MRI1: variants seen among roughly 807,000 people sequenced by gnomAD.
The protein encoded by MRI1 is methylthioribose-1-phosphate isomerase 1.
MRI1 carries 32 observed loss-of-function variants against 27.3 expected under a neutral mutation model. The ratio of observed to expected loss-of-function variants is 1.17; its 90% CI spans 0.88 to 1.57. The LOEUF is 1.57. Among genes scored for constraint, MRI1 ranks in the 40% most tolerant of loss-of-function variants. MRI1 has a pLI of 0.00. For missense variants in MRI1, 508 were observed against 516.1 expected, an observed-to-expected ratio of 0.98 and a Z score of 0.15; for synonymous variants, 216 against 227.4, an observed-to-expected ratio of 0.95 and a Z score of 0.45.
At position 13,772,882 on chromosome 19, in the gene MRI1, G is replaced by A. The variant is rs529859148; in HGVS notation, c.*601G>A. On this transcript the variant is annotated 3_prime_UTR_variant, in exon 6 of 6. Coordinates refer to ENST00000040663, the MANE Select transcript of MRI1 (RefSeq NM_001031727.4). ...ATTAAAAAAATAAAAAATAAATGTG[G>A]ATAATACTAGTACCTCCCTCTTAAG... The A allele has an allele frequency of 6.6e-6, 1 of 151,896 alleles. No homozygotes were observed. The highest frequency in any genetic ancestry group is 1.9e-4 in the East Asian group (1 of 5,188). 9.4% of individuals were successfully genotyped at this position (151,896 alleles called of 1,614,324 possible).
chr19:13,767,033 ATATATTTTTTTTTTTTT>A (rs1289800282), intron 3 of MRI1, among the ~76,000 whole-genome samples: 52 of 17,196 alleles, frequency 3.0e-3, no homozygotes, highest in African/African-American at 7.9e-3. Flanking sequence ...ATATATATAT[ATATATTTTTTTTTTTTT>A]TTTTTTTTTT....
At chr19:13,767,460 G>C (rs1006517008) in intron 3 of MRI1, among the ~76,000 whole-genome samples, 7 of 151,502 alleles carry the variant, frequency 4.6e-5, no homozygotes, top group Non-Finnish European at 8.8e-5. Flanking sequence ...CTGTAATCAG[G>C]AGGCTGGGGT....
rs1974311999 is a variant in MRI1 at position 13,773,398 on chromosome 19, G to GC, written c.*1117_*1118insC. The stretch of plus-strand genomic sequence containing the variant: ...CTCATGCCTGTAATTCCAGCACTTT[G>GC]GGAGGATCCCTTGAGCCCAGGTGTT... On this transcript the variant is annotated 3_prime_UTR_variant, in exon 6 of 6. Transcript: ENST00000040663. 6.6e-6 allele frequency: 1 copy of GC among 152,078 alleles called. No individual in the cohort carries two copies. Among genetic ancestry groups the GC allele is most frequent in the Non-Finnish European group, 1.5e-5 (1 of 68,034 alleles). 9.4% of individuals were successfully genotyped at this position (152,078 alleles called of 1,614,324 possible).
rs745433600 is a variant in MRI1 at position 13,765,113 on chromosome 19, C to G, written c.371+4C>G. ...CGGAAGAGGCGGTCCGGGAGAGGTA[C>G]GGGGATCTGGTACCAGGCACGGCGC... is the stretch of plus-strand genomic sequence containing the variant. On this transcript the variant is annotated splice_donor_region_variant and intron_variant, in intron 2 of 5. Coordinates refer to ENST00000040663, the MANE Select transcript of MRI1 (RefSeq NM_001031727.4). 20 of 1,520,914 alleles carry G rather than the reference C, an allele frequency of 1.3e-5. No homozygotes were observed. In the African/African-American group the frequency reaches 1.7e-4, roughly 13 times the overall value. The allele number at this position is 1,520,914 out of a possible 1,614,324, so 94.2% of individuals were successfully genotyped here. A position where few individuals can be genotyped will look rare whatever the true frequency, so the allele number is the denominator to read the frequency against.
chr19:13,767,751 A>T (rs1165778782), intron 3 of MRI1, among the ~76,000 whole-genome samples: 2 of 150,788 alleles, frequency 1.3e-5, no homozygotes. Context: ...TATTTTGGAG[A>T]CAGAGTCTTG....
In MRI1 at chr19:13,767,861, C is replaced by CTTTTTTTTTTTTTTTTTTTTTTTTTT; in HGVS notation, c.548-675_548-674insTTTTTTTTTTTTTTTTTTTTTTTTTT. On this transcript the variant is annotated intron_variant, in intron 3 of 5. Coordinates refer to ENST00000040663, the MANE Select transcript of MRI1 (RefSeq NM_001031727.4). ...TCTTTTCAAGTATTTTCTTTCTTTC[C>CTTTTTTTTTTTTTTTTTTTTTTTTTT]TTTTTTTTTTTTTTTTTTTTTTTTT... 5.6e-4 allele frequency among the ~76,000 whole-genome samples: 34 copies of CTTTTTTTTTTTTTTTTTTTTTTTTTT among 61,082 alleles called. 3 individuals carry two copies. The highest frequency in any genetic ancestry group is 0.017 in the Middle Eastern group (1 of 58). The allele number at this position is 61,082 out of a possible 152,430, so 40.1% of individuals were successfully genotyped here. A position where few individuals can be genotyped will look rare whatever the true frequency, so the allele number is the denominator to read the frequency against.
chr19:13,770,784 G>C (rs933574605), intron 5 of MRI1, among the ~76,000 whole-genome samples: 3 of 152,122 alleles, frequency 2.0e-5, no homozygotes, highest in African/African-American at 7.2e-5. Flanking sequence ...TCAGGAGGCT[G>C]AGGCAGGAGA....
In MRI1 at chr19:13,768,703, G is replaced by A. The variant is rs1482696845; in HGVS notation, c.690G>A (p.Met230Ile). 4 of 1,613,796 alleles carry A rather than the reference G, an allele frequency of 2.5e-6. No homozygotes were observed. In the African/African-American group the frequency reaches 5.3e-5, roughly 22 times the overall value. Reference protein sequence around the residue: ...QIPATLITDSMVAAAMAHRGV... With the variant: ...QIPATLITDSIVAAAMAHRGV... The stretch of plus-strand genomic sequence containing the variant: ...CCGCCACCCTTATCACCGACAGCAT[G>A]GTGGCTGCTGCCATGGCCCATAGGG... The change falls in exon 4 of 6, where the codon ATG becomes ATA. Residue 230 changes from methionine (M) to isoleucine (I), a missense_variant. This residue lies in a region of MRI1 where 457 missense variants were observed against 452.8 expected (regional missense o/e 1.01). Transcript: ENST00000040663.
At chr19:13,769,615 C>T (rs1974227676) in intron 5 of MRI1, among the ~76,000 whole-genome samples, 1 of 152,094 alleles carries the variant, frequency 6.6e-6, no homozygotes, top group Non-Finnish European at 1.5e-5. Flanking sequence ...TGGCTGGCCA[C>T]GTGTTTGTAA....
intron 2 of MRI1, 125 bp downstream of exon 2, chr19:13,765,234 C>T (rs2145189599): frequency 1.3e-6 from 1 of 770,644 alleles, no homozygotes; most frequent in East Asian, 3.4e-5. Context: ...TGTCCAGGGC[C>T]CCACAGATGG....
In MRI1 at chr19:13,768,336, C is replaced by T. The variant is rs796672268; in HGVS notation, c.548-225C>T. On this transcript the variant is annotated intron_variant, in intron 3 of 5. Coordinates refer to ENST00000040663, the MANE Select transcript of MRI1 (RefSeq NM_001031727.4). ...AACTGATATATCAGGGAAGGCTTCA[C>T]CGAGAAGGTGTCCTTTAAACAGACG... 1.2e-5 allele frequency: 14 copies of T among 1,184,318 alleles called. 2 individuals carry two copies. The African/African-American group carries it at 1.8e-4, about 15-fold the overall frequency. The allele number at this position is 1,184,318 out of a possible 1,614,324, so 73.4% of individuals were successfully genotyped here. A position where few individuals can be genotyped will look rare whatever the true frequency, so the allele number is the denominator to read the frequency against.
At position 13,764,960 on chromosome 19, in the gene MRI1, G is replaced by A; in HGVS notation, c.222G>A (p.Ala74=). 6.6e-7 allele frequency: 1 copy of A among 1,510,130 alleles called. No homozygotes were observed. Among genetic ancestry groups the A allele is most frequent in the Non-Finnish European group, 8.8e-7 (1 of 1,135,264 alleles). The allele number at this position is 1,510,130 out of a possible 1,614,324, so 93.5% of individuals were successfully genotyped here. ...GCGCCGGGGGACCGGGACTCGCCGC[G>A]CTCGTGGCCTTCGTGCGCGACAAGC... is the stretch of plus-strand genomic sequence containing the variant. ...QAGAGGPGLA[A]LVAFVRDKLS... Residue 74 remains alanine, a synonymous_variant, in exon 2 of 6, where the codon GCG becomes GCA. Coordinates refer to ENST00000040663, the MANE Select transcript of MRI1 (RefSeq NM_001031727.4).
rs868770583 is a variant in MRI1 at position 13,768,641 on chromosome 19, C to G, written c.628C>G (p.Arg210Gly). The change falls in exon 4 of 6, where the codon CGG (arginine) becomes GGG (glycine). Residue 210 changes from arginine (R) to glycine (G), a missense_variant. Physicochemically the swap from Arg to Gly is moderately radical, Grantham distance 125. Transcript: ENST00000040663. ...GACCCGGCCCTACAACCAGGGAGCC[C>G]GGCTGACGGCCTTTGAGCTGGTCTA... ...TETRPYNQGA[R>G]LTAFELVYEQ... The G allele has an allele frequency of 2.5e-6, 4 of 1,613,742 alleles. No individual in the cohort carries two copies. Among genetic ancestry groups the G allele is most frequent in the Non-Finnish European group, 3.4e-6 (4 of 1,179,934 alleles).
rs1261412027 is a variant in MRI1 at position 13,768,007 on chromosome 19, T to C, written c.548-554T>C. 3.3e-5 allele frequency among the ~76,000 whole-genome samples: 5 copies of C among 151,908 alleles called. No homozygotes were observed. In the East Asian group the frequency reaches 9.7e-4, roughly 29 times the overall value. ...CCTCCGCCTCTCGAGTAGCTGGGAC[T>C]ACAGGTGCCCGCCACCACGCCCGGC... is the stretch of plus-strand genomic sequence containing the variant. On this transcript the variant is annotated intron_variant, in intron 3 of 5. Transcript: ENST00000040663.
intron 3 of MRI1, among the ~76,000 whole-genome samples, chr19:13,766,676 G>T (rs1470843576): frequency 6.6e-6 from 1 of 152,032 alleles, no homozygotes; most frequent in African/African-American, 2.4e-5. Context: ...TTCCCTACCT[G>T]CCTGAGTCCC....
chr19:13,769,003 G>C lies in MRI1; in HGVS notation c.904G>C (p.Gly302Arg). ...GKEIIIEERP[G>R]QELTDVNGVR... Reference sequence around the variant, plus strand: ...GGAGATCATTATTGAAGAGCGACCGGGCCAGGAGCTGACCGATGTTAATGG... The same window carrying C: ...GGAGATCATTATTGAAGAGCGACCGCGCCAGGAGCTGACCGATGTTAATGG... Residue 302 changes from glycine (G) to arginine (R), a missense_variant, in exon 5 of 6, where the codon GGC becomes CGC. Transcript: ENST00000040663. 1 of 1,613,774 alleles carries C rather than the reference G, an allele frequency of 6.2e-7. No individual in the cohort carries two copies.
intron 2 of MRI1, 83 bp downstream of exon 2, chr19:13,765,192 G>C: frequency 8.8e-7 from 1 of 1,140,278 alleles, no homozygotes; most frequent in Non-Finnish European, 1.2e-6. Flanking sequence ...TATACAGATG[G>C]GGAAACTGAG....
At chr19:13,770,038 C>T (rs976040233) in intron 5 of MRI1, among the ~76,000 whole-genome samples, 5 of 152,136 alleles carry the variant, frequency 3.3e-5, no homozygotes, top group African/African-American at 1.2e-4. Flanking sequence ...TGGCCTCAAG[C>T]GATCCTCCTG....
chr19:13,765,188 G>A (rs887801928), intron 2 of MRI1, 79 bp downstream of exon 2: 3 of 1,196,980 alleles, frequency 2.5e-6, no homozygotes, highest in Non-Finnish European at 3.3e-6. Flanking sequence ...CCACTATACA[G>A]ATGGGGAAAC....
Sources: gnomAD v4.1 joint callset for allele counts (sites outside exome capture counted in the v4.1 genomes callset) on GRCh38, gnomAD v4.1.1 for gene constraint, gnomAD v4.1.1 regional missense constraint, MANE v1.5 for transcripts, NCBI Gene and HGNC (gene_info 2026-07-23, HGNC 2026-07-21) for gene names.